The following CSMD1 variants were observed in gnomAD, a reference collection of about 807,000 sequenced individuals.
The protein encoded by CSMD1 is CUB and sushi domain-containing protein 1.
CSMD1 carries 213 observed loss-of-function variants against 417.5 expected under a neutral mutation model. The observed-to-expected ratio is 0.51, with a 90% CI of 0.46 to 0.57. The LOEUF (loss-of-function observed/expected upper bound fraction) is 0.57. Ranked by LOEUF, CSMD1 falls within the 20% of genes least tolerant of loss-of-function variation. The pLI is 0.00. For synonymous variants in CSMD1, 2,862 were observed against 1,736.8 expected (o/e 1.65, Z -16.11); for missense variants, 6,923 against 4,529.7 (o/e 1.53, Z -15.17).
intron 3 of CSMD1, among the ~76,000 whole-genome samples, chr8:4,194,256 T>C (rs1799202682): frequency 6.6e-6 from 1 of 151,972 alleles, no homozygotes; most frequent in Non-Finnish European, 1.5e-5. Flanking sequence ...AAATGAGGAG[T>C]GAATTTAGAA....
intron 1 of CSMD1, among the ~76,000 whole-genome samples, chr8:4,941,017 A>C (rs1332762964): frequency 6.6e-6 from 1 of 151,968 alleles, no homozygotes; most frequent in African/African-American, 2.4e-5. Flanking sequence ...ATTTTGAGAG[A>C]GGAACAATCT....
intron 1 of CSMD1, among the ~76,000 whole-genome samples, chr8:4,812,481 G>C (rs1056389808): frequency 6.6e-6 from 1 of 152,086 alleles, no homozygotes; most frequent in South Asian, 2.1e-4. Context: ...TAATACTTAA[G>C]TTGACAGATA....
intron 2 of CSMD1, among the ~76,000 whole-genome samples, chr8:4,431,883 C>G (rs1405288918): frequency 2.0e-5 from 3 of 151,958 alleles, no homozygotes; most frequent in Non-Finnish European, 4.4e-5. Context: ...ATTATATATA[C>G]TATTAAAATA....
At chr8:3,410,345 C>T (rs1010538965) in intron 12 of CSMD1, among the ~76,000 whole-genome samples, 2 of 152,194 alleles carry the variant, frequency 1.3e-5, no homozygotes, top group South Asian at 2.1e-4. Flanking sequence ...ACAAAATCCT[C>T]GCACACATGG....
chr8:4,347,558 C>T lies in CSMD1; in HGVS notation c.415+72395G>A, dbSNP rs533811514. Among the ~76,000 whole-genome samples, 107 of 152,250 alleles carry T rather than the reference C, an allele frequency of 7.0e-4. 1 individual carries two copies. The highest frequency in any genetic ancestry group is 1.3e-3 in the Non-Finnish European group (87 of 68,020). On this transcript the variant is annotated intron_variant, in intron 3 of 69. Coordinates refer to ENST00000635120, the MANE Select transcript of CSMD1 (RefSeq NM_033225.6). ...AGGCTGTCTCAACAGAAATACTTCC[C>T]TGTTGCCTATTATTAAAGTTCGCCA...
chr8:4,313,153 T>C (rs1303170766), intron 3 of CSMD1, among the ~76,000 whole-genome samples: 1 of 152,168 alleles, frequency 6.6e-6, no homozygotes, highest in Non-Finnish European at 1.5e-5. Context: ...CTGGAACTGG[T>C]CTTTAATTTC....
chr8:4,018,255 T>C (rs911836764), intron 4 of CSMD1, among the ~76,000 whole-genome samples: 4 of 152,238 alleles, frequency 2.6e-5, no homozygotes, highest in Non-Finnish European at 5.9e-5. Context: ...TTTAAACATT[T>C]GGTATTATGG....
chr8:4,414,523 G>C (rs1203708068), intron 3 of CSMD1, among the ~76,000 whole-genome samples: 1 of 152,036 alleles, frequency 6.6e-6, no homozygotes, highest in Non-Finnish European at 1.5e-5. Context: ...ATCTGCTTAT[G>C]CATAGTTTAT....
At chr8:4,870,162 C>T (rs907517903) in intron 1 of CSMD1, among the ~76,000 whole-genome samples, 2 of 152,132 alleles carry the variant, frequency 1.3e-5, no homozygotes, top group South Asian at 4.1e-4. Flanking sequence ...GTTTAAACAT[C>T]ATGGAAATTT....
chr8:4,036,258 C>T (rs1460783471), intron 3 of CSMD1, among the ~76,000 whole-genome samples: 2 of 152,156 alleles, frequency 1.3e-5, no homozygotes, highest in African/African-American at 4.8e-5. Context: ...TGCATGACTG[C>T]ATGTAACATA....
intron 46 of CSMD1, among the ~76,000 whole-genome samples, chr8:3,103,543 C>A (rs564522880): frequency 2.6e-5 from 4 of 152,190 alleles, no homozygotes; most frequent in South Asian, 2.1e-4. Context: ...CGTAGTACTG[C>A]AACTGCTAGA....
chr8:4,676,427 C>T (rs1805686254), intron 1 of CSMD1, among the ~76,000 whole-genome samples: 1 of 152,144 alleles, frequency 6.6e-6, no homozygotes, highest in Non-Finnish European at 1.5e-5. Context: ...TTCTGGGAGC[C>T]TCTGCAGCTG....
rs1054815677 is a variant in CSMD1, at chr8:4,141,763, G to A, written c.416-109664C>T. 4.6e-5 allele frequency among the ~76,000 whole-genome samples: 7 copies of A among 151,090 alleles called. No individual in the cohort carries two copies. The East Asian group carries it at 5.8e-4, about 13-fold the overall frequency. On this transcript the variant is annotated intron_variant, in intron 3 of 69. Transcript: ENST00000635120. ...ATACAGTGATTCATCCCATGCCATC[G>A]ACAATACACAGAAGTGAAACATATT...
chr8:3,839,013 T>C (rs1427263408), intron 5 of CSMD1, among the ~76,000 whole-genome samples: 2 of 127,774 alleles, frequency 1.6e-5, no homozygotes, highest in African/African-American at 5.7e-5. Flanking sequence ...ATTATATATT[T>C]ATATGTTGAT....
chr8:3,403,889 C>G (rs998647343), intron 15 of CSMD1, among the ~76,000 whole-genome samples: 1 of 152,148 alleles, frequency 6.6e-6, no homozygotes, highest in African/African-American at 2.4e-5. Context: ...AAAAACTGTA[C>G]ATTTACCATA....
At chr8:4,080,552 C>A (rs1800077532) in intron 3 of CSMD1, among the ~76,000 whole-genome samples, 1 of 152,122 alleles carries the variant, frequency 6.6e-6, no homozygotes, top group African/African-American at 2.4e-5. Flanking sequence ...TAGGTTTCTC[C>A]AGAAGATAAA....
chr8:4,171,018 C>A (rs1797734943), intron 3 of CSMD1, among the ~76,000 whole-genome samples: 1 of 151,882 alleles, frequency 6.6e-6, no homozygotes, highest in African/African-American at 2.4e-5. Context: ...GGATAATGGC[C>A]TTCCATATGC....
At chr8:3,140,208 A>C (rs1469499620) in intron 41 of CSMD1, among the ~76,000 whole-genome samples, 2 of 152,118 alleles carry the variant, frequency 1.3e-5, no homozygotes, top group Non-Finnish European at 2.9e-5. Context: ...CCCAGCCCCG[A>C]TTACCCTTAA....
chr8:3,875,119 A>C (rs540472421), intron 5 of CSMD1, among the ~76,000 whole-genome samples: 41 of 138,910 alleles, frequency 3.0e-4, no homozygotes, highest in African/African-American at 1.2e-3. Flanking sequence ...TCAGGAACAC[A>C]TTGTGGGGTT....
Sources: allele counts gnomAD v4.1 joint callset (sites outside exome capture counted in the v4.1 genomes callset), GRCh38; gene constraint gnomAD v4.1.1; transcripts MANE v1.5; gene names NCBI Gene and HGNC (gene_info 2026-07-23, HGNC 2026-07-21).